SHTN1: variants seen among roughly 807,000 people sequenced by gnomAD.
The protein encoded by SHTN1 is shootin-1.
Under a neutral mutation model 83.1 loss-of-function variants are expected in SHTN1, and 42 were observed. That is an observed-to-expected ratio of 0.51 (90% confidence interval 0.39 to 0.65). SHTN1 has a LOEUF of 0.65. Among genes scored for constraint, SHTN1 ranks in the 30% least tolerant of loss-of-function variants. The pLI is 0.00. For missense variants in SHTN1, 622 were observed against 737.8 expected (o/e 0.84, Z 1.82); for synonymous variants, 224 against 247.7 (o/e 0.90, Z 0.90).
chr10:116,914,419 C>T (rs890300455), intron 13 of SHTN1, among the ~76,000 whole-genome samples: 1 of 151,758 alleles, frequency 6.6e-6, no homozygotes, highest in Non-Finnish European at 1.5e-5. Context: ...TTGCAGTGAG[C>T]CGAGATTGCG....
chr10:116,911,587 C>G (rs757736545), intron 14 of SHTN1: 74 of 1,550,916 alleles, frequency 4.8e-5, no homozygotes, highest in Non-Finnish European at 6.0e-5. Flanking sequence ...TCTTTTAGAA[C>G]AAAAACAGCA....
chr10:117,091,563 A>G (rs1853430223), intron 1 of SHTN1, among the ~76,000 whole-genome samples: 1 of 152,208 alleles, frequency 6.6e-6, no homozygotes, highest in Non-Finnish European at 1.5e-5. Context: ...CTGAGGGAAC[A>G]AAAACAAAGG....
chr10:117,101,127 T>C (rs1365934573), intron 1 of SHTN1, among the ~76,000 whole-genome samples: 2 of 151,980 alleles, frequency 1.3e-5, no homozygotes, highest in Non-Finnish European at 2.9e-5. Flanking sequence ...GAGAAGGAGT[T>C]GAAATAGGGA....
At position 116,975,664 on chromosome 10, in the gene SHTN1, A is replaced by G. The variant is rs1394241574; in HGVS notation, c.111+3592T>C. Among the ~76,000 whole-genome samples the G allele has an allele frequency of 2.0e-5, 3 of 152,078 alleles. No homozygotes were observed. In the East Asian group the frequency reaches 5.8e-4, roughly 29 times the overall value. On this transcript the variant is annotated intron_variant, in intron 2 of 16. Transcript: ENST00000355371. ...GTCACTGATAAAAAAAAAAAACATA[A>G]AAGAGTCAGCAGTTTTCCTAAAATG...
chr10:117,093,453 G>A (rs1853462394), intron 1 of SHTN1, among the ~76,000 whole-genome samples: 1 of 152,156 alleles, frequency 6.6e-6, no homozygotes, highest in Non-Finnish European at 1.5e-5. Context: ...GCCGAGGTGG[G>A]AGGATAAGCC....
intron 2 of SHTN1, among the ~76,000 whole-genome samples, chr10:117,044,897 T>C (rs1852639315): frequency 6.6e-6 from 1 of 152,178 alleles, no homozygotes. Context: ...TCTGAGCAAT[T>C]TGTGTCATTT....
At chr10:116,905,643 A>AT (rs1847939224) in intron 15 of SHTN1, among the ~76,000 whole-genome samples, 1 of 152,174 alleles carries the variant, frequency 6.6e-6, no homozygotes, top group East Asian at 1.9e-4. Flanking sequence ...CATCTTTAAT[A>AT]TTCTTGCTAC....
intron 1 of SHTN1, among the ~76,000 whole-genome samples, chr10:117,121,745 C>T (rs955081542): frequency 7.3e-5 from 11 of 150,886 alleles, no homozygotes; most frequent in Admixed American, 3.3e-4. Flanking sequence ...TATTTTAAAT[C>T]ATCTTGGCTG....
chr10:117,039,146 A>ATAT (rs1391167521), intron 2 of SHTN1, among the ~76,000 whole-genome samples: 1 of 152,240 alleles, frequency 6.6e-6, no homozygotes. Flanking sequence ...AGACAATGGA[A>ATAT]TATTATTCAG....
chr10:116,900,159 T>C (rs1258020951), intron 16 of SHTN1, among the ~76,000 whole-genome samples: 2 of 152,322 alleles, frequency 1.3e-5, no homozygotes, highest in South Asian at 2.1e-4. Context: ...ATACACGGCA[T>C]CAGTTATTTT....
At position 116,883,988 on chromosome 10, in the gene SHTN1, C is replaced by T. The variant is rs553769828; in HGVS notation, c.*2356G>A. 8.9e-6 allele frequency: 2 copies of T among 224,830 alleles called. No individual in the cohort carries two copies. Among genetic ancestry groups the T allele is most frequent in the South Asian group, 4.6e-5 (1 of 21,742 alleles). 13.9% of individuals were successfully genotyped at this position (224,830 alleles called of 1,614,324 possible). On this transcript the variant is annotated 3_prime_UTR_variant, in exon 17 of 17. Transcript: ENST00000355371. ...AAAGTACCTCTATCTCTGTTCCTCA[C>T]TCGGGCTATAAAATGCATCAACATT...
At chr10:117,119,715 T>C (rs1308166211) in intron 1 of SHTN1, among the ~76,000 whole-genome samples, 2 of 152,170 alleles carry the variant, frequency 1.3e-5, no homozygotes, top group Middle Eastern at 3.2e-3. Context: ...ATCAAAGGGA[T>C]ATCTGCACTC....
chr10:116,944,410 A>C (rs899366276), intron 8 of SHTN1, among the ~76,000 whole-genome samples: 10 of 152,322 alleles, frequency 6.6e-5, no homozygotes, highest in African/African-American at 2.4e-4. Context: ...AATTGCTCAG[A>C]GGTCATACAC....
chr10:117,010,377 G>C (rs896934408), upstream of SHTN1, among the ~76,000 whole-genome samples: 5 of 151,976 alleles, frequency 3.3e-5, no homozygotes, highest in Middle Eastern at 3.4e-3. Context: ...GAAAATTTCA[G>C]CAGAACTATT....
chr10:116,964,336 A>G (rs1347114120), intron 3 of SHTN1, among the ~76,000 whole-genome samples: 1 of 152,230 alleles, frequency 6.6e-6, no homozygotes, highest in Non-Finnish European at 1.5e-5. Flanking sequence ...ACGGAGGCCC[A>G]GAGAAGTTAA....
intron 11 of SHTN1, among the ~76,000 whole-genome samples, chr10:116,923,002 A>G (rs1262199550): frequency 6.6e-6 from 1 of 152,104 alleles, no homozygotes; most frequent in African/African-American, 2.4e-5. Flanking sequence ...ATGTAGAGTA[A>G]AAAGAGCAAG....
chr10:117,085,952 G>A (rs1182187731), intron 1 of SHTN1, among the ~76,000 whole-genome samples: 4 of 118,594 alleles, frequency 3.4e-5, no homozygotes, highest in East Asian at 5.1e-4. Context: ...ACGGAGTCTC[G>A]CTCTGTAGAC....
chr10:116,943,277 C>A (rs1218841987), intron 8 of SHTN1, among the ~76,000 whole-genome samples: 2 of 152,180 alleles, frequency 1.3e-5, no homozygotes, highest in African/African-American at 4.8e-5. Context: ...TTGCTTCTTC[C>A]ATCTGTCTTC....
At position 116,884,061 on chromosome 10, in the gene SHTN1, T is replaced by G. The variant is rs2133290655; in HGVS notation, c.*2283A>C. 1 of 326,594 alleles carries G rather than the reference T, an allele frequency of 3.1e-6. No homozygotes were observed. The highest frequency in any genetic ancestry group is 2.4e-5 in the South Asian group (1 of 41,174). 20.2% of individuals were successfully genotyped at this position (326,594 alleles called of 1,614,324 possible). ...TCCTCTATAGCGCACAAGACTTAAT[T>G]TATCTTTCCCAAACAGAAGGAAGCA... On this transcript the variant is annotated 3_prime_UTR_variant, in exon 17 of 17. Coordinates refer to ENST00000355371, the MANE Select transcript of SHTN1 (RefSeq NM_001127211.3).
Sources: allele counts gnomAD v4.1 joint callset (sites outside exome capture counted in the v4.1 genomes callset), GRCh38; gene constraint gnomAD v4.1.1; transcripts MANE v1.5; gene names NCBI Gene and HGNC (gene_info 2026-07-23, HGNC 2026-07-21).